Variants in SEPTIN9 observed in about 807,000 individuals in gnomAD.
SEPTIN9 encodes the protein septin 9.
In SEPTIN9, 13 loss-of-function variants were observed where a neutral mutation model predicts 56.6. That is an observed-to-expected ratio of 0.23 (90% CI 0.15 to 0.37). The LOEUF is 0.37. Among genes scored for constraint, SEPTIN9 ranks in the 10% least tolerant of loss-of-function variants. The pLI is 1.00. For missense variants in SEPTIN9, 650 were observed against 823.1 expected, an observed-to-expected ratio of 0.79 and a Z score of 2.57; for synonymous variants, 332 against 334.1, an observed-to-expected ratio of 0.99 and a Z score of 0.07.
At chr17:77,467,063 C>T (rs2144539439) in intron 3 of SEPTIN9, among the ~76,000 whole-genome samples, 1 of 152,316 alleles carries the variant, frequency 6.6e-6, no homozygotes, top group East Asian at 1.9e-4. Flanking sequence ...TCTGCCGGTT[C>T]CCGAATCACT....
intron 1 of SEPTIN9, among the ~76,000 whole-genome samples, chr17:77,295,894 C>G (rs2031790228): frequency 6.6e-6 from 1 of 151,988 alleles, no homozygotes; most frequent in Non-Finnish European, 1.5e-5. Context: ...ACATGGTTTC[C>G]CATTTGTTGT....
chr17:77,399,463 G>A (rs978172880), intron 2 of SEPTIN9, among the ~76,000 whole-genome samples: 8 of 152,184 alleles, frequency 5.3e-5, no homozygotes, highest in African/African-American at 1.9e-4. Context: ...CAGTGCTCAG[G>A]AGGCAGGGAG....
In SEPTIN9 at chr17:77,313,677, A is replaced by G. The variant is rs2032594710; in HGVS notation, c.76+6480A>G. ...TCCTTCATTTTTAATTCAGGGAAGC[A>G]AACTTCAGTGGTTGAGTCTGAGGAT... On this transcript the variant is annotated intron_variant, in intron 2 of 11. Transcript: ENST00000427177. This position sits in a 1 kb window ranked among gnomAD's most constrained non-coding sequence, Gnocchi z 4.5. 6.6e-6 allele frequency among the ~76,000 whole-genome samples: 1 copy of G among 152,072 alleles called. No individual in the cohort carries two copies. The highest frequency in any genetic ancestry group is 6.5e-5 in the Admixed American group (1 of 15,272).
At chr17:77,484,832 A>ACGG (rs2039645957) in intron 4 of SEPTIN9, among the ~76,000 whole-genome samples, 1 of 29,178 alleles carries the variant, frequency 3.4e-5, no homozygotes. Context: ...GGTGGTGGCG[A>ACGG]TGGTGGTTGT....
intron 3 of SEPTIN9, among the ~76,000 whole-genome samples, chr17:77,417,587 A>G (rs1197612006): frequency 6.6e-6 from 1 of 152,248 alleles, no homozygotes; most frequent in African/African-American, 2.4e-5. Flanking sequence ...AGAATTTTCC[A>G]CATAGCCAAA....
At chr17:77,360,073 C>T (rs1401154938) in intron 2 of SEPTIN9, among the ~76,000 whole-genome samples, 11 of 150,370 alleles carry the variant, frequency 7.3e-5, no homozygotes, top group African/African-American at 2.2e-4. Context: ...AGGAGAATTG[C>T]TTGAACCCAG....
At chr17:77,447,896 A>C (rs2072486340) in intron 3 of SEPTIN9, among the ~76,000 whole-genome samples, 1 of 152,232 alleles carries the variant, frequency 6.6e-6, no homozygotes. Flanking sequence ...AAGTGCTGGG[A>C]TGACAGGTGT....
intron 2 of SEPTIN9, among the ~76,000 whole-genome samples, chr17:77,388,035 C>T (rs1272613905): frequency 1.3e-5 from 2 of 152,164 alleles, no homozygotes; most frequent in Admixed American, 6.5e-5. Flanking sequence ...CCTACTCCTC[C>T]CTGGGCTTCT....
chr17:77,430,484 T>C (rs1346146633), intron 3 of SEPTIN9, among the ~76,000 whole-genome samples: 1 of 152,074 alleles, frequency 6.6e-6, no homozygotes, highest in Non-Finnish European at 1.5e-5. Flanking sequence ...CAGCGGCCGA[T>C]CACTGGAACC....
intron 2 of SEPTIN9, among the ~76,000 whole-genome samples, chr17:77,388,834 T>TTC (rs1283776131): frequency 1.3e-4 from 15 of 118,636 alleles, no homozygotes; most frequent in African/African-American, 4.3e-4. Context: ...TTTTTTTTTT[T>TTC]GCATTTTTTA....
intron 3 of SEPTIN9, among the ~76,000 whole-genome samples, chr17:77,479,699 G>A (rs1166637638): frequency 6.6e-6 from 1 of 151,534 alleles, no homozygotes; most frequent in Non-Finnish European, 1.5e-5. Flanking sequence ...GGGCTCCAGG[G>A]GCGTTGGGGG....
intron 2 of SEPTIN9, among the ~76,000 whole-genome samples, chr17:77,355,164 G>A (rs2034189340): frequency 6.6e-6 from 1 of 152,222 alleles, no homozygotes; most frequent in African/African-American, 2.4e-5. Flanking sequence ...GTGACTCAGA[G>A]CCAATGACTC....
chr17:77,366,103 C>A (rs1026015800), intron 2 of SEPTIN9, among the ~76,000 whole-genome samples: 1 of 152,134 alleles, frequency 6.6e-6, no homozygotes, highest in African/African-American at 2.4e-5. Context: ...TGAGGAGGTA[C>A]CAGCTGTGTG....
At position 77,493,976 on chromosome 17, in the gene SEPTIN9, T is replaced by C. The variant is rs1753118392; in HGVS notation, c.1573+900T>C. 3.3e-5 allele frequency among the ~76,000 whole-genome samples: 5 copies of C among 152,116 alleles called. No individual in the cohort carries two copies. In the South Asian group the frequency reaches 1.0e-3, roughly 32 times the overall value. ...TTAGTAGAGACAGGATTTCGCCATG[T>C]TGGCCAGGCTGGTCTTAAACTCCTG... On this transcript the variant is annotated intron_variant, in intron 10 of 11. Transcript: ENST00000427177.
chr17:77,297,472 C>T (rs866128199), intron 1 of SEPTIN9, among the ~76,000 whole-genome samples: 7 of 152,306 alleles, frequency 4.6e-5, no homozygotes, highest in East Asian at 1.9e-4. Context: ...CACCCAGAAG[C>T]GATGCGTTAC....
intron 4 of SEPTIN9, among the ~76,000 whole-genome samples, chr17:77,485,500 A>G (rs1179056364): frequency 6.6e-6 from 1 of 151,048 alleles, no homozygotes; most frequent in Non-Finnish European, 1.5e-5. Flanking sequence ...TGGTATTGTG[A>G]TGATGGTGCT....
At position 77,425,512 on chromosome 17, in the gene SEPTIN9, C is replaced by G. The variant is rs1165407176; in HGVS notation, c.721+22809C>G. 6.6e-6 allele frequency among the ~76,000 whole-genome samples: 1 copy of G among 152,134 alleles called. No individual in the cohort carries two copies. The highest frequency in any genetic ancestry group is 1.5e-5 in the Non-Finnish European group (1 of 68,012). On this transcript the variant is annotated intron_variant, in intron 3 of 11. Transcript: ENST00000427177. This position sits in a 1 kb window ranked among gnomAD's most constrained non-coding sequence, Gnocchi z 4.2. ...ATGGGGACGCTGCCTGGGGGGGGTTCCCTTACATGGAAGGAGCTGCAGCTG... is the reference window on the plus strand; with the variant it reads ...ATGGGGACGCTGCCTGGGGGGGGTTGCCTTACATGGAAGGAGCTGCAGCTG...
At position 77,329,963 on chromosome 17, in the gene SEPTIN9, GTCCATGCCCCCGC is replaced by G. The variant is rs2033284771; in HGVS notation, c.76+22771_76+22783del. Reference sequence around the variant, plus strand: ...GCCAGGCAGGTGGGTGGGGGCTGCAGTCCATGCCCCCGCTCCAGGCAACACAGTCGAGCTGCAG... The same window carrying G: ...GCCAGGCAGGTGGGTGGGGGCTGCAGTCCAGGCAACACAGTCGAGCTGCAG... On this transcript the variant is annotated intron_variant, in intron 2 of 11. Transcript: ENST00000427177. This position sits in a 1 kb window ranked among gnomAD's most constrained non-coding sequence, Gnocchi z 4.3. 6.6e-6 allele frequency among the ~76,000 whole-genome samples: 1 copy of G among 152,174 alleles called. No homozygotes were observed.
intron 2 of SEPTIN9, among the ~76,000 whole-genome samples, chr17:77,315,080 A>G (rs1055518744): frequency 2.0e-5 from 3 of 152,086 alleles, no homozygotes; most frequent in South Asian, 4.1e-4. Context: ...ACACATATTC[A>G]GTTTGGAGTA....
Sources: gnomAD v4.1 joint callset for allele counts (sites outside exome capture counted in the v4.1 genomes callset) on GRCh38, gnomAD v4.1.1 for gene constraint, Gnocchi (gnomAD v3.1) non-coding constraint, MANE v1.5 for transcripts, NCBI Gene and HGNC (gene_info 2026-07-23, HGNC 2026-07-21) for gene names.